Variants in KDM4C observed in about 807,000 individuals in gnomAD.
KDM4C encodes lysine-specific demethylase 4C.
In KDM4C, 81 loss-of-function variants were observed where a neutral mutation model predicts 129.3. The observed-to-expected ratio is 0.63, with a 90% CI of 0.52 to 0.75. The LOEUF is 0.75. KDM4C is among the 30% of genes least tolerant of loss of function. KDM4C has a pLI of 0.00. For missense variants in KDM4C, 1,457 were observed against 1,304.0 expected (o/e 1.12, Z -1.81); for synonymous variants, 573 against 456.1 (o/e 1.26, Z -3.26).
intron 5 of KDM4C, among the ~76,000 whole-genome samples, chr9:6,863,938 A>T (rs1434830685): frequency 6.6e-6 from 1 of 152,094 alleles, no homozygotes; most frequent in Non-Finnish European, 1.5e-5. Context: ...CACCCCCATG[A>T]TGGAAACACC....
At chr9:6,888,800 T>TG (rs1438516176) in intron 7 of KDM4C, among the ~76,000 whole-genome samples, 1 of 118,688 alleles carries the variant, frequency 8.4e-6, no homozygotes, top group Non-Finnish European at 1.8e-5. Flanking sequence ...TTTTTTTTTT[T>TG]TTTTTGAGAC....
At chr9:6,834,684 C>G (rs1157109988) in intron 4 of KDM4C, 7 of 837,246 alleles carry the variant, frequency 8.4e-6, no homozygotes, top group Non-Finnish European at 1.3e-5. Flanking sequence ...GGCATCATTA[C>G]CAACTGGGAC....
chr9:6,731,398 C>G lies in KDM4C; in HGVS notation c.49+10401C>G, dbSNP rs192307843. Among the ~76,000 whole-genome samples the G allele has an allele frequency of 1.2e-4, 17 of 145,608 alleles. No individual in the cohort carries two copies. In the East Asian group the frequency reaches 3.4e-3, roughly 30 times the overall value. On this transcript the variant is annotated intron_variant, in intron 1 of 17. Transcript: ENST00000536108. ...CTGGAGTGCAATGGCACGATCTCAG[C>G]TCACCGCAACCTCCACCTCCCAGGT...
chr9:7,017,469 T>G (rs1045522992), intron 15 of KDM4C, among the ~76,000 whole-genome samples: 3 of 152,134 alleles, frequency 2.0e-5, no homozygotes, highest in Non-Finnish European at 4.4e-5. Context: ...CAGATTTTTT[T>G]GGGGGCAGAA....
intron 14 of KDM4C, chr9:7,014,373 T>C (rs964521204): frequency 3.6e-5 from 6 of 166,630 alleles, no homozygotes; most frequent in African/African-American, 1.4e-4. Context: ...TTGTGACTTT[T>C]AAAAGAGAAA....
At chr9:6,877,490 A>G (rs1843740910) in intron 5 of KDM4C, among the ~76,000 whole-genome samples, 1 of 152,132 alleles carries the variant, frequency 6.6e-6, no homozygotes, top group African/African-American at 2.4e-5. Flanking sequence ...GTGAGCCACC[A>G]CACCTGGCCT....
rs199903320 is a variant in KDM4C at position 6,861,774 on chromosome 9, C to CT, written c.629+12077dup. ...GTTACTTTACAATATATATTTCTTT[C>CT]TTTCTTTTTTTTTTTTCTCGAGATG... On this transcript the variant is annotated intron_variant, in intron 5 of 21. Coordinates refer to ENST00000381309, the MANE Select transcript of KDM4C (RefSeq NM_015061.6). Among the ~76,000 whole-genome samples, 705 of 148,902 alleles carry CT rather than the reference C, an allele frequency of 4.7e-3. 6 individuals carry two copies. Among genetic ancestry groups the CT allele is most frequent in the African/African-American group, 0.015 (602 of 40,894 alleles).
In KDM4C at chr9:7,055,026, A is replaced by T. The variant is rs151034793; in HGVS notation, c.2424+5826A>T. 2.3e-3 allele frequency among the ~76,000 whole-genome samples: 351 copies of T among 152,186 alleles called. 3 individuals carry two copies. The highest frequency in any genetic ancestry group is 7.7e-3 in the African/African-American group (320 of 41,516). On this transcript the variant is annotated intron_variant, in intron 17 of 21. Transcript: ENST00000381309. ...ACCCCATCTCTACTAAAAATACAAA[A>T]ATTAGCCGGGTGTGGGTGGTGCATG...
At chr9:6,974,427 G>A (rs183276164) in intron 8 of KDM4C, among the ~76,000 whole-genome samples, 7 of 152,228 alleles carry the variant, frequency 4.6e-5, no homozygotes, top group Non-Finnish European at 8.8e-5. Flanking sequence ...TTGTGCGACC[G>A]CGGCTCACTG....
At chr9:7,022,852 A>T (rs1424762746) in intron 15 of KDM4C, among the ~76,000 whole-genome samples, 5 of 152,156 alleles carry the variant, frequency 3.3e-5, no homozygotes, top group African/African-American at 9.6e-5. Context: ...GAGGGTTTTC[A>T]TGAAGGGATG....
intron 15 of KDM4C, among the ~76,000 whole-genome samples, chr9:7,030,982 A>G (rs190214276): frequency 6.6e-6 from 1 of 152,256 alleles, no homozygotes; most frequent in East Asian, 1.9e-4. Flanking sequence ...CTGCAGAATC[A>G]TAAAGAAAGT....
At chr9:6,771,070 G>T (rs1040188827) in intron 1 of KDM4C, among the ~76,000 whole-genome samples, 1 of 139,462 alleles carries the variant, frequency 7.2e-6, no homozygotes, top group Admixed American at 7.3e-5. Context: ...CACTGCGCCC[G>T]ACTGTGAATC....
intron 2 of KDM4C, among the ~76,000 whole-genome samples, chr9:6,797,156 T>C (rs1199780002): frequency 6.6e-6 from 1 of 151,940 alleles, no homozygotes; most frequent in African/African-American, 2.4e-5. Context: ...ATTTTTTTTA[T>C]TTTTTGTTTT....
Position 6,984,331 on chromosome 9 carries a change from A to G in KDM4C, c.1281A>G (p.Ala427=). 6.2e-7 allele frequency: 1 copy of G among 1,614,104 alleles called. No homozygotes were observed. The highest frequency in any genetic ancestry group is 2.2e-5 in the East Asian group (1 of 44,884). The change falls in exon 10 of 22, where the codon GCA becomes GCG. Residue 427 remains alanine (A), a synonymous_variant. Coordinates refer to ENST00000381309, the MANE Select transcript of KDM4C (RefSeq NM_015061.6). ...CAGTGAAGCTGAGGAACACAGAAGC[A>G]TCTTCAGAAGAAGAGTCATCTGCTA... ...EAAVKLRNTE[A]SSEEESSASR... is the part of the protein sequence containing the mutation.
chr9:6,887,940 C>G lies in KDM4C; in HGVS notation c.680-20C>G, dbSNP rs1448106869. The G allele has an allele frequency of 7.0e-7, 1 of 1,427,826 alleles. No homozygotes were observed. The allele number at this position is 1,427,826 out of a possible 1,614,324, so 88.4% of individuals were successfully genotyped here. A position where few individuals can be genotyped will look rare whatever the true frequency, so the allele number is the denominator to read the frequency against. ...CTCTTAATCGACACAGTGCCACTTA[C>G]ATTTATTGTTTCTTTTTAGGTTTTT... On this transcript the variant is annotated intron_variant, in intron 6 of 21. Coordinates refer to ENST00000381309, the MANE Select transcript of KDM4C (RefSeq NM_015061.6).
intron 1 of KDM4C, among the ~76,000 whole-genome samples, chr9:6,723,109 C>A (rs929044428): frequency 3.3e-5 from 5 of 152,128 alleles, no homozygotes; most frequent in Non-Finnish European, 5.9e-5. Flanking sequence ...TTTGTAGATG[C>A]TTGGCTGGGC....
At chr9:6,821,954 T>G (rs560091098) in intron 4 of KDM4C, among the ~76,000 whole-genome samples, 1 of 152,310 alleles carries the variant, frequency 6.6e-6, no homozygotes, top group African/African-American at 2.4e-5. Flanking sequence ...TTTATTCTGC[T>G]GCTGCTTTCA....
rs539083322 is a variant in KDM4C, at chr9:6,807,567, G to A, written c.320+1793G>A. ...TGGGATGTGAGGAGCGCCTCTGCCC[G>A]GCCGAGACCCCGTCTGGGAGGTGAG... On this transcript the variant is annotated intron_variant, in intron 3 of 21. Transcript: ENST00000381309. 3.2e-3 allele frequency among the ~76,000 whole-genome samples: 483 copies of A among 149,268 alleles called. 7 individuals are homozygous for A. The highest frequency in any genetic ancestry group is 4.5e-3 in the Non-Finnish European group (301 of 66,710).
chr9:6,929,764 T>G (rs1375626653), intron 8 of KDM4C, among the ~76,000 whole-genome samples: 1 of 152,170 alleles, frequency 6.6e-6, no homozygotes, highest in African/African-American at 2.4e-5. Flanking sequence ...GAAAGGATAC[T>G]TTTGTGGGTG....
Sources: gnomAD v4.1 joint callset for allele counts (sites outside exome capture counted in the v4.1 genomes callset) on GRCh38, gnomAD v4.1.1 for gene constraint, MANE v1.5 for transcripts, NCBI Gene and HGNC (gene_info 2026-07-23, HGNC 2026-07-21) for gene names.